The following CUX1 variants were observed in gnomAD, a reference collection of about 807,000 sequenced individuals.
CUX1 encodes cut like homeobox 1, also known as protein CASP.
CUX1 carries 31 observed loss-of-function variants against 158.8 expected under a neutral mutation model. The ratio of observed to expected loss-of-function variants is 0.20; its 90% confidence interval spans 0.15 to 0.26. The LOEUF (loss-of-function observed/expected upper bound fraction) is 0.26. Among genes scored for constraint, CUX1 ranks in the 10% least tolerant of loss-of-function variants. CUX1 has a pLI of 1.00. For missense variants in CUX1, 1,589 were observed against 2,014.6 expected, an observed-to-expected ratio of 0.79 and a Z score of 4.04; for synonymous variants, 879 against 862.1, an observed-to-expected ratio of 1.02 and a Z score of -0.34.
chr7:102,098,058 C>A (rs201457), intron 5 of CUX1, among the ~76,000 whole-genome samples: 92,067 of 152,118 alleles, frequency 0.61, 29,736 homozygotes, highest in African/African-American at 0.79. Context: ...CTGGCTTTTC[C>A]CGTCAGGGAA....
intron 23 of CUX1, among the ~76,000 whole-genome samples, chr7:102,240,378 C>T (rs1800067677): frequency 6.6e-6 from 1 of 152,148 alleles, no homozygotes; most frequent in Non-Finnish European, 1.5e-5. Context: ...AGGCAGTCCT[C>T]CCACCTCAGC....
intron 2 of CUX1, among the ~76,000 whole-genome samples, chr7:101,921,157 C>T (rs971700849): frequency 6.6e-6 from 1 of 152,182 alleles, no homozygotes; most frequent in Non-Finnish European, 1.5e-5. Context: ...AGGCGACATA[C>T]TTAGTAGCTG....
intron 1 of CUX1, among the ~76,000 whole-genome samples, chr7:101,890,271 G>A (rs1800735071): frequency 6.6e-6 from 1 of 152,304 alleles, no homozygotes; most frequent in African/African-American, 2.4e-5. Flanking sequence ...GTTCACAGCA[G>A]TGTCCCCCAA....
At chr7:102,131,678 A>AT (rs879948321) in intron 8 of CUX1, among the ~76,000 whole-genome samples, 405 of 93,384 alleles carry the variant, frequency 4.3e-3, no homozygotes, top group African/African-American at 9.0e-3. Flanking sequence ...TTATTTATTT[A>AT]TTTTTTTTTT....
intron 21 of CUX1, among the ~76,000 whole-genome samples, chr7:102,229,864 C>CA (rs1482250947): frequency 6.6e-6 from 1 of 152,098 alleles, no homozygotes; most frequent in Non-Finnish European, 1.5e-5. Context: ...TCAGGTGATC[C>CA]ACCCACCTTG....
intron 2 of CUX1, among the ~76,000 whole-genome samples, chr7:101,997,332 G>A (rs957470084): frequency 6.6e-6 from 1 of 151,956 alleles, no homozygotes; most frequent in Non-Finnish European, 1.5e-5. Context: ...TTGTTTTTTT[G>A]TTTGTTTGTT....
intron 22 of CUX1, chr7:102,282,824 A>G: frequency 7.9e-7 from 1 of 1,263,556 alleles, no homozygotes; most frequent in South Asian, 1.3e-5. Flanking sequence ...GCGAGCTCCC[A>G]GCACCCCCGC....
chr7:101,998,430 G>A (rs989119475), intron 2 of CUX1, among the ~76,000 whole-genome samples: 7 of 152,164 alleles, frequency 4.6e-5, no homozygotes, highest in Middle Eastern at 3.2e-3. Flanking sequence ...CCCAAGGGTC[G>A]GGCAGGGATA....
chr7:101,880,193 C>G (rs1799570923), intron 1 of CUX1, among the ~76,000 whole-genome samples: 1 of 152,058 alleles, frequency 6.6e-6, no homozygotes, highest in South Asian at 2.1e-4. Context: ...ATTGAAAAAA[C>G]AAAAAACTCC....
At chr7:102,196,561 T>C (rs1794816020) in intron 14 of CUX1, 73 bp from the exon 15 acceptor site, 5 of 1,376,722 alleles carry the variant, frequency 3.6e-6, no homozygotes, top group Non-Finnish European at 4.8e-6. Flanking sequence ...GGCAAACTTT[T>C]GCATTTTGGT....
chr7:101,968,132 G>A (rs549507983), intron 2 of CUX1, among the ~76,000 whole-genome samples: 22 of 151,794 alleles, frequency 1.4e-4, no homozygotes, highest in Admixed American at 3.9e-4. Flanking sequence ...CTCCAATTCC[G>A]AGGCTCAAGT....
chr7:102,109,583 A>G (rs1830686696), intron 6 of CUX1, among the ~76,000 whole-genome samples: 1 of 152,222 alleles, frequency 6.6e-6, no homozygotes, highest in South Asian at 2.1e-4. Context: ...CAGGAGTTCG[A>G]GACCAGCCTG....
chr7:101,846,608 G>C (rs988686026), intron 1 of CUX1, among the ~76,000 whole-genome samples: 3 of 152,202 alleles, frequency 2.0e-5, no homozygotes, highest in Non-Finnish European at 4.4e-5. Context: ...GATTGCCAGC[G>C]GGAGCCACCC....
At chr7:101,887,934 G>A (rs577471025) in intron 1 of CUX1, among the ~76,000 whole-genome samples, 2 of 150,548 alleles carry the variant, frequency 1.3e-5, no homozygotes, top group East Asian at 2.0e-4. Context: ...GTCCCTCTGC[G>A]TGCCCACTCC....
intron 14 of CUX1, among the ~76,000 whole-genome samples, chr7:102,267,908 TGCTACC>T (rs1790929657): frequency 6.3e-4 from 8 of 12,636 alleles, no homozygotes; most frequent in Admixed American, 1.9e-3. Context: ...GCTCCAGCGA[TGCTACC>T]ACCTCTGCCT....
chr7:101,945,820 G>A (rs953605878), intron 2 of CUX1, among the ~76,000 whole-genome samples: 6 of 152,198 alleles, frequency 3.9e-5, no homozygotes, highest in Admixed American at 3.3e-4. Flanking sequence ...GTTCTGATGA[G>A]CCTGTATCAC....
intron 1 of CUX1, among the ~76,000 whole-genome samples, chr7:101,874,909 C>T (rs563425770): frequency 3.2e-4 from 48 of 152,296 alleles, no homozygotes; most frequent in African/African-American, 1.0e-3. Context: ...GCTGGGGGGC[C>T]GCCTGTCCCA....
chr7:101,836,717 T>C (rs1794676520), intron 1 of CUX1, among the ~76,000 whole-genome samples: 1 of 146,710 alleles, frequency 6.8e-6, no homozygotes. Context: ...GAATCCTGGC[T>C]GTTCCTTCCC....
In CUX1 at chr7:102,251,234, T is replaced by G. The variant is rs1473340556; in HGVS notation, c.*2192T>G. ...TTTCTTAAGTTTAATTAATATTACT[T>G]TTTTTTTTATTTGGGGGGTGGGAGG... On this transcript the variant is annotated 3_prime_UTR_variant, in exon 24 of 24. Transcript: ENST00000292535. 4.1e-6 allele frequency: 4 copies of G among 974,436 alleles called. No individual in the cohort carries two copies. Among genetic ancestry groups the G allele is most frequent in the Non-Finnish European group, 1.2e-6 (1 of 824,518 alleles). The allele number at this position is 974,436 out of a possible 1,614,324, so 60.4% of individuals were successfully genotyped here. A position where few individuals can be genotyped will look rare whatever the true frequency, so the allele number is the denominator to read the frequency against.
Sources: allele counts gnomAD v4.1 joint callset (sites outside exome capture counted in the v4.1 genomes callset), GRCh38; gene constraint gnomAD v4.1.1; transcripts MANE v1.5; gene names NCBI Gene and HGNC (gene_info 2026-07-23, HGNC 2026-07-21).